The following ATXN1 variants were observed in gnomAD, a reference collection of about 807,000 sequenced individuals.
ATXN1 encodes the protein ataxin 1.
A neutral mutation model predicts 56.4 loss-of-function variants in ATXN1; 8 were observed. That is an observed-to-expected ratio of 0.14 (90% CI 0.08 to 0.26). ATXN1 has a LOEUF of 0.26. ATXN1 is among the 10% of genes least tolerant of loss of function. ATXN1 has a pLI of 1.00. For synonymous variants in ATXN1, 514 were observed against 494.6 expected, an observed-to-expected ratio of 1.04 and a Z score of -0.52; for missense variants, 987 against 1,106.5, an observed-to-expected ratio of 0.89 and a Z score of 1.53.
At position 16,547,196 on chromosome 6, in the gene ATXN1, C is replaced by T. The variant is rs1039201007; in HGVS notation, c.-360-24508G>A. 4.6e-5 allele frequency among the ~76,000 whole-genome samples: 7 copies of T among 152,140 alleles called. No individual in the cohort carries two copies. In the East Asian group the frequency reaches 5.8e-4, roughly 13 times the overall value. On this transcript the variant is annotated intron_variant, in intron 4 of 7. Coordinates refer to ENST00000436367, the MANE Select transcript of ATXN1 (RefSeq NM_001128164.2). ...CAAATAAAAGGTTTTGCCTAACAGACGGAAATATACTGTTCAATTGCACTC... is the reference window on the plus strand; with the variant it reads ...CAAATAAAAGGTTTTGCCTAACAGATGGAAATATACTGTTCAATTGCACTC...
chr6:16,651,998 C>G (rs1406616937), intron 3 of ATXN1: 4 of 152,262 alleles, frequency 2.6e-5, no homozygotes, highest in Admixed American at 2.6e-4. Flanking sequence ...TGTAAATCAG[C>G]ATCTGTTTTG....
At chr6:16,524,601 T>C (rs1319590106) in intron 4 of ATXN1, among the ~76,000 whole-genome samples, 1 of 152,250 alleles carries the variant, frequency 6.6e-6, no homozygotes, top group Non-Finnish European at 1.5e-5. Context: ...AATAACAATA[T>C]CGACTTCATA....
At chr6:16,314,473 A>T (rs1035018796) in intron 7 of ATXN1, among the ~76,000 whole-genome samples, 18 of 152,090 alleles carry the variant, frequency 1.2e-4, no homozygotes, top group Non-Finnish European at 2.9e-5. Context: ...GCCAGCGGGG[A>T]CTGGTTTGGA....
chr6:16,419,927 G>A (rs1433405068), intron 6 of ATXN1, among the ~76,000 whole-genome samples: 1 of 152,230 alleles, frequency 6.6e-6, no homozygotes, highest in African/African-American at 2.4e-5. Flanking sequence ...GGTTTTTAAA[G>A]TGTGGGTCCT....
At chr6:16,507,272 C>A (rs904701246) in intron 5 of ATXN1, among the ~76,000 whole-genome samples, 8 of 152,116 alleles carry the variant, frequency 5.3e-5, no homozygotes, top group Non-Finnish European at 8.8e-5. Flanking sequence ...TTTAGAAATT[C>A]TCTGCACTAT....
rs370738429 is a variant in ATXN1 at position 16,472,302 on chromosome 6, A to G, written c.-161+13670T>C. On this transcript the variant is annotated intron_variant, in intron 6 of 7. Transcript: ENST00000436367. ...AATATTTTATGCAAAACTTCATGTA[A>G]GGTCATGTGTTTGTACAGCACAAAA... is the stretch of plus-strand genomic sequence containing the variant. Among the ~76,000 whole-genome samples, 5 of 152,332 alleles carry G rather than the reference A, an allele frequency of 3.3e-5. No individual in the cohort carries two copies. The East Asian group carries it at 7.7e-4, about 23-fold the overall frequency.
chr6:16,350,252 T>G (rs1002307645), intron 6 of ATXN1, among the ~76,000 whole-genome samples: 3 of 152,238 alleles, frequency 2.0e-5, no homozygotes, highest in African/African-American at 7.2e-5. Flanking sequence ...AGTTTCCTCA[T>G]CTGGAATATG....
At chr6:16,586,445 T>C (rs236971) in intron 3 of ATXN1, among the ~76,000 whole-genome samples, 29,423 of 152,198 alleles carry the variant, frequency 0.19, 5,228 homozygotes, top group African/African-American at 0.48. Context: ...ATGATGTCAG[T>C]GATGGCCAAG....
intron 6 of ATXN1, among the ~76,000 whole-genome samples, chr6:16,408,134 C>T (rs1167780115): frequency 1.3e-5 from 2 of 152,096 alleles, no homozygotes; most frequent in African/African-American, 4.8e-5. Context: ...AACCTGAGGC[C>T]ACCATGTTTT....
At chr6:16,396,813 CCTATT>C (rs1239473076) in intron 6 of ATXN1, among the ~76,000 whole-genome samples, 1 of 152,144 alleles carries the variant, frequency 6.6e-6, no homozygotes, top group Non-Finnish European at 1.5e-5. Context: ...TTTTACTGTA[CCTATT>C]CTATGTCTAG....
chr6:16,435,925 T>A (rs1233824006), intron 6 of ATXN1, among the ~76,000 whole-genome samples: 1 of 150,992 alleles, frequency 6.6e-6, no homozygotes, highest in Non-Finnish European at 1.5e-5. Context: ...GGAGACAGAG[T>A]CTCACTCTGT....
chr6:16,308,455 A>G (rs1338859257), intron 7 of ATXN1, among the ~76,000 whole-genome samples: 3 of 152,164 alleles, frequency 2.0e-5, no homozygotes, highest in Non-Finnish European at 4.4e-5. Flanking sequence ...GCACTTGAAC[A>G]TTCCAAAGTG....
chr6:16,531,276 C>G (rs966010329), intron 4 of ATXN1, among the ~76,000 whole-genome samples: 2 of 152,074 alleles, frequency 1.3e-5, no homozygotes, highest in East Asian at 3.8e-4. Flanking sequence ...AAGTTTAGTA[C>G]GAATAGGAAA....
chr6:16,492,558 C>CTT (rs35384376), intron 5 of ATXN1, among the ~76,000 whole-genome samples: 21,231 of 147,402 alleles, frequency 0.14, 1,613 homozygotes, highest in Admixed American at 0.22. Flanking sequence ...CAATACATTT[C>CTT]TTTTTTTTTT....
chr6:16,659,672 C>T (rs542525674), intron 2 of ATXN1, among the ~76,000 whole-genome samples: 8 of 152,246 alleles, frequency 5.3e-5, no homozygotes, highest in Admixed American at 3.9e-4. Flanking sequence ...TGCTCATTGA[C>T]GCTTAATGGA....
At chr6:16,687,564 T>C (rs979491777) in intron 2 of ATXN1, among the ~76,000 whole-genome samples, 2 of 151,364 alleles carry the variant, frequency 1.3e-5, no homozygotes, top group African/African-American at 4.9e-5. Flanking sequence ...AGAAAAAGTT[T>C]AGAAACGGAT....
chr6:16,649,886 T>C (rs925372049), intron 3 of ATXN1, among the ~76,000 whole-genome samples: 6 of 152,122 alleles, frequency 3.9e-5, no homozygotes, highest in African/African-American at 1.2e-4. Context: ...TTTACCAAGA[T>C]AGCTATATGA....
intron 3 of ATXN1, among the ~76,000 whole-genome samples, chr6:16,625,253 A>G (rs1763388039): frequency 6.6e-6 from 1 of 152,228 alleles, no homozygotes; most frequent in Non-Finnish European, 1.5e-5. Context: ...CTACCCTGGG[A>G]GCAAGTTAAT....
intron 6 of ATXN1, among the ~76,000 whole-genome samples, chr6:16,374,384 G>T (rs2113495819): frequency 6.6e-6 from 1 of 152,310 alleles, no homozygotes; most frequent in Middle Eastern, 3.4e-3. Flanking sequence ...TCCCACAACT[G>T]ATTAACCTGA....
Sources: gnomAD v4.1 joint callset for allele counts (sites outside exome capture counted in the v4.1 genomes callset) on GRCh38, gnomAD v4.1.1 for gene constraint, MANE v1.5 for transcripts, NCBI Gene and HGNC (gene_info 2026-07-23, HGNC 2026-07-21) for gene names.